FAM174A: variants seen among roughly 807,000 people sequenced by gnomAD.
The protein encoded by FAM174A is family with sequence similarity 174 member A, also known as membrane protein FAM174A.
FAM174A carries 14 observed loss-of-function variants against 14.3 expected under a neutral mutation model. The ratio of observed to expected loss-of-function variants is 0.98; its 90% CI spans 0.65 to 1.53. FAM174A has a LOEUF of 1.53. Ranked by LOEUF, FAM174A falls within the 40% of genes most tolerant of loss-of-function variation. The pLI is 0.00. For synonymous variants in FAM174A, 108 were observed against 111.4 expected (o/e 0.97, Z 0.19); for missense variants, 241 against 249.6 (o/e 0.97, Z 0.23).
In FAM174A at chr5:100,535,537, G is replaced by C. The variant is rs201950259; in HGVS notation, c.7G>C (p.Ala3Pro). Residue 3 changes from alanine to proline, a missense_variant, in exon 1 of 3, where the codon GCC becomes CCC. Physicochemically the swap from Ala to Pro is conservative, Grantham distance 27 (BLOSUM62 -1). Transcript: ENST00000312637. ...AGAGAGCGGTCCGGGAACGATGAAGGCCTCGCAGTGCTGCTGCTGTCTCAG... is the reference window on the plus strand; with the variant it reads ...AGAGAGCGGTCCGGGAACGATGAAGCCCTCGCAGTGCTGCTGCTGTCTCAG... MKASQCCCCLSHL... is the reference protein window; with the variant it reads MKPSQCCCCLSHL... 6 of 1,612,738 alleles carry C rather than the reference G, an allele frequency of 3.7e-6. No homozygotes were observed. The highest frequency in any genetic ancestry group is 3.3e-5 in the Admixed American group (2 of 59,992).
chr5:100,543,563 C>T (rs540017614), intron 1 of FAM174A, among the ~76,000 whole-genome samples: 1 of 152,170 alleles, frequency 6.6e-6, no homozygotes, highest in South Asian at 2.1e-4. Context: ...TGTTCATACT[C>T]TTTAGTATTT....
intron 2 of FAM174A, among the ~76,000 whole-genome samples, chr5:100,562,522 C>A (rs552768931): frequency 1.3e-5 from 2 of 151,708 alleles, no homozygotes; most frequent in South Asian, 4.1e-4. Flanking sequence ...TTTCATCACC[C>A]AGTTATTAAG....
intron 2 of FAM174A, among the ~76,000 whole-genome samples, chr5:100,562,831 A>G (rs1746556296): frequency 6.6e-6 from 1 of 151,840 alleles, no homozygotes; most frequent in Non-Finnish European, 1.5e-5. Context: ...AGAGGTTTAG[A>G]TAAATAAAAT....
At chr5:100,555,543 C>G (rs1186195665) in intron 1 of FAM174A, among the ~76,000 whole-genome samples, 1 of 151,978 alleles carries the variant, frequency 6.6e-6, no homozygotes, top group Non-Finnish European at 1.5e-5. Context: ...ACAGTCCCAC[C>G]AACAGTGTAA....
At chr5:100,556,762 A>G (rs1746393524) in intron 1 of FAM174A, among the ~76,000 whole-genome samples, 1 of 152,058 alleles carries the variant, frequency 6.6e-6, no homozygotes, top group Non-Finnish European at 1.5e-5. Context: ...TTGATGTAGA[A>G]CAATGCTTGT....
intron 2 of FAM174A, among the ~76,000 whole-genome samples, chr5:100,579,437 T>G (rs1025637779): frequency 1.3e-5 from 2 of 152,056 alleles, no homozygotes; most frequent in Admixed American, 6.6e-5. Context: ...TTTTTTTTTT[T>G]AATTAAGATG....
chr5:100,573,802 A>G (rs1179785844), intron 2 of FAM174A, among the ~76,000 whole-genome samples: 2 of 151,298 alleles, frequency 1.3e-5, no homozygotes, highest in African/African-American at 4.9e-5. Flanking sequence ...AGCTGGAGGC[A>G]TCACACTACC....
chr5:100,557,259 A>G (rs1746410740), intron 1 of FAM174A, among the ~76,000 whole-genome samples: 1 of 151,654 alleles, frequency 6.6e-6, no homozygotes, highest in African/African-American at 2.4e-5. Flanking sequence ...CGTATGTTGA[A>G]CCAGCCTTGC....
chr5:100,556,344 G>C (rs949304686), intron 1 of FAM174A, among the ~76,000 whole-genome samples: 27 of 152,242 alleles, frequency 1.8e-4, no homozygotes, highest in African/African-American at 6.0e-4. Flanking sequence ...GGTTACTGTA[G>C]CCTTGTAGTA....
chr5:100,550,588 C>T (rs1746243416), intron 1 of FAM174A, among the ~76,000 whole-genome samples: 1 of 152,104 alleles, frequency 6.6e-6, no homozygotes, highest in Non-Finnish European at 1.5e-5. Flanking sequence ...ACAGCTCCTG[C>T]TCTCATGGAA....
Position 100,564,010 on chromosome 5 carries a change from T to G in FAM174A, c.569+1822T>G, listed in dbSNP as rs575826773. Among the ~76,000 whole-genome samples the G allele has an allele frequency of 8.4e-4, 128 of 151,950 alleles. 2 individuals are homozygous for G. The highest frequency in any genetic ancestry group is 1.2e-3 in the Non-Finnish European group (79 of 67,852). On this transcript the variant is annotated intron_variant, in intron 2 of 2. Coordinates refer to ENST00000312637, the MANE Select transcript of FAM174A (RefSeq NM_198507.3). The stretch of plus-strand genomic sequence containing the variant: ...TGGTGCTGTCCTTGTGATAGTGAGT[T>G]CTTGCAAAATGTGGTTGTTTTAAGT...
At chr5:100,583,351 C>A (rs777956926) in intron 2 of FAM174A, among the ~76,000 whole-genome samples, 5 of 152,128 alleles carry the variant, frequency 3.3e-5, no homozygotes, top group Non-Finnish European at 7.4e-5. Flanking sequence ...TCTATTGGTA[C>A]CAATTCTTCT....
At chr5:100,583,126 T>C (rs535826009) in intron 2 of FAM174A, among the ~76,000 whole-genome samples, 9 of 152,310 alleles carry the variant, frequency 5.9e-5, no homozygotes, top group Non-Finnish European at 1.2e-4. Flanking sequence ...ATATATTTAC[T>C]GTTCATTAAG....
chr5:100,578,293 G>A (rs1284498440), intron 2 of FAM174A, among the ~76,000 whole-genome samples: 2 of 152,090 alleles, frequency 1.3e-5, no homozygotes, highest in East Asian at 3.9e-4. Context: ...TTGACTGAAT[G>A]CCCTTAGACC....
chr5:100,548,893 CTA>C (rs931805198), intron 1 of FAM174A, among the ~76,000 whole-genome samples: 10 of 152,006 alleles, frequency 6.6e-5, no homozygotes, highest in Admixed American at 6.6e-5. Flanking sequence ...AATACTATCA[CTA>C]TTTTCATTTT....
chr5:100,565,186 G>T (rs1252625686), intron 2 of FAM174A, among the ~76,000 whole-genome samples: 1 of 151,712 alleles, frequency 6.6e-6, no homozygotes, highest in African/African-American at 2.4e-5. Context: ...TTTGTCCCTG[G>T]AATGCAAATA....
chr5:100,544,818 G>A (rs1416964113), intron 1 of FAM174A, among the ~76,000 whole-genome samples: 1 of 152,228 alleles, frequency 6.6e-6, no homozygotes. Context: ...GAGGTTGAAT[G>A]TGGGACAAAA....
At chr5:100,581,870 A>G (rs1043249532) in intron 2 of FAM174A, among the ~76,000 whole-genome samples, 6 of 152,190 alleles carry the variant, frequency 3.9e-5, no homozygotes, top group Admixed American at 3.9e-4. Context: ...ACAATGTAAT[A>G]TGATTGCTAG....
intron 2 of FAM174A, chr5:100,581,373 C>A: frequency 1.0e-6 from 1 of 985,186 alleles, no homozygotes; most frequent in Non-Finnish European, 1.2e-6. Flanking sequence ...TGAGAAAGAG[C>A]AACTGAGGGA....
Sources: gnomAD v4.1 joint callset for allele counts (sites outside exome capture counted in the v4.1 genomes callset) on GRCh38, gnomAD v4.1.1 for gene constraint, MANE v1.5 for transcripts, NCBI Gene and HGNC (gene_info 2026-07-23, HGNC 2026-07-21) for gene names.